CSMD3: variants seen among roughly 807,000 people sequenced by gnomAD.
CSMD3 encodes CUB and Sushi multiple domains 3.
Under a neutral mutation model 435.2 loss-of-function variants are expected in CSMD3, and 177 were observed. The ratio of observed to expected loss-of-function variants is 0.41; its 90% CI spans 0.36 to 0.46. The LOEUF (loss-of-function observed/expected upper bound fraction) is 0.46, where lower values mean the gene tolerates loss of function less well. CSMD3 is among the 20% of genes least tolerant of loss of function. The pLI is 0.34. For synonymous variants in CSMD3, 1,656 were observed against 1,520.5 expected (o/e 1.09, Z -2.07); for missense variants, 4,265 against 4,504.6 (o/e 0.95, Z 1.52).
At chr8:113,267,303 C>T (rs1287383375) in intron 3 of CSMD3, among the ~76,000 whole-genome samples, 2 of 151,646 alleles carry the variant, frequency 1.3e-5, no homozygotes, top group African/African-American at 4.8e-5. Context: ...CCTGCACTAA[C>T]ATGGTTACTG....
At chr8:112,573,374 T>C in intron 24 of CSMD3, 127 bp downstream of exon 24, 5 of 864,872 alleles carry the variant, frequency 5.8e-6, no homozygotes, top group Admixed American at 3.8e-5. Context: ...AATAAAATTA[T>C]ATATGTAGAA....
intron 3 of CSMD3, among the ~76,000 whole-genome samples, chr8:113,263,045 C>T (rs1235743066): frequency 6.6e-6 from 1 of 151,930 alleles, no homozygotes; most frequent in Non-Finnish European, 1.5e-5. Flanking sequence ...AAATTAAATG[C>T]TATGGTCTGT....
chr8:112,831,812 A>C (rs531027542), intron 11 of CSMD3, among the ~76,000 whole-genome samples: 1 of 152,216 alleles, frequency 6.6e-6, no homozygotes, highest in African/African-American at 2.4e-5. Context: ...AGCTGCTTAT[A>C]ATGGAAATTT....
intron 10 of CSMD3, among the ~76,000 whole-genome samples, chr8:112,860,167 C>T (rs1002028443): frequency 6.6e-6 from 1 of 151,596 alleles, no homozygotes; most frequent in African/African-American, 2.4e-5. Context: ...GAATTTCAGC[C>T]CAGGTCTTCT....
chr8:112,300,837 C>T (rs555777211), intron 53 of CSMD3, among the ~76,000 whole-genome samples: 12 of 152,200 alleles, frequency 7.9e-5, no homozygotes, highest in African/African-American at 2.6e-4. Flanking sequence ...GATTGTATTT[C>T]TATGAATATT....
chr8:113,015,038 C>T (rs2086401983), intron 6 of CSMD3, among the ~76,000 whole-genome samples: 1 of 152,106 alleles, frequency 6.6e-6, no homozygotes, highest in African/African-American at 2.4e-5. Context: ...TACTATGCTG[C>T]ATCCCCCAAA....
rs371825562 is a variant in CSMD3 at position 112,419,716 on chromosome 8, T to C, written c.5396-10684A>G. 8.3e-4 allele frequency among the ~76,000 whole-genome samples: 127 copies of C among 152,286 alleles called. 5 individuals carry two copies. The South Asian group carries it at 0.026, about 31-fold the overall frequency. ...CTGCCTATTTGACATATTTTAAATG[T>C]ATAGACATTAAAAAACCATCTTATA... On this transcript the variant is annotated intron_variant, in intron 32 of 70. Transcript: ENST00000297405.
intron 24 of CSMD3, among the ~76,000 whole-genome samples, chr8:112,557,242 T>C (rs1828205987): frequency 6.6e-6 from 1 of 151,964 alleles, no homozygotes; most frequent in Admixed American, 6.6e-5. Context: ...GATTTAGAGT[T>C]AATAGTAGAT....
At chr8:113,222,146 A>T (rs774550731) in intron 3 of CSMD3, among the ~76,000 whole-genome samples, 9 of 151,388 alleles carry the variant, frequency 5.9e-5, no homozygotes, top group Non-Finnish European at 1.3e-4. Context: ...TCTAATTTAC[A>T]AAGGCTTTGG....
At chr8:113,140,794 T>C (rs903582385) in intron 4 of CSMD3, among the ~76,000 whole-genome samples, 1 of 150,884 alleles carries the variant, frequency 6.6e-6, no homozygotes, top group Non-Finnish European at 1.5e-5. Flanking sequence ...CAAACATATG[T>C]TATAAAAGAG....
rs565451062 is a variant in CSMD3 at position 113,029,777 on chromosome 8, G to A, written c.918-10598C>T. On this transcript the variant is annotated intron_variant, in intron 5 of 70. Coordinates refer to ENST00000297405, the MANE Select transcript of CSMD3 (RefSeq NM_198123.2). The stretch of plus-strand genomic sequence containing the variant: ...CATAGTACTGGAAATCCTAGCCAGA[G>A]CAATCAGACAAGAGAAAGAAATAAA... Among the ~76,000 whole-genome samples the A allele has an allele frequency of 5.2e-3, 792 of 151,624 alleles. 28 individuals are homozygous for A. The highest frequency in any genetic ancestry group is 7.7e-3 in the Non-Finnish European group (525 of 67,768).
intron 13 of CSMD3, among the ~76,000 whole-genome samples, chr8:112,737,250 G>A (rs2077206286): frequency 1.3e-5 from 2 of 151,846 alleles, no homozygotes; most frequent in African/African-American, 4.8e-5. Flanking sequence ...TTGAGACCTT[G>A]TCAGGATACT....
At chr8:112,893,450 G>A (rs1587600740) in intron 10 of CSMD3, among the ~76,000 whole-genome samples, 1 of 151,424 alleles carries the variant, frequency 6.6e-6, no homozygotes. Flanking sequence ...CTAGGGATGG[G>A]AACAGGATAT....
chr8:112,690,506 C>T (rs766256386), intron 13 of CSMD3, among the ~76,000 whole-genome samples: 1 of 151,732 alleles, frequency 6.6e-6, no homozygotes, highest in South Asian at 2.1e-4. Context: ...GTCTATACTC[C>T]TACAGAAATC....
chr8:113,170,326 C>T (rs191263320), intron 4 of CSMD3, among the ~76,000 whole-genome samples: 127 of 152,144 alleles, frequency 8.3e-4, no homozygotes, highest in African/African-American at 2.8e-3. Context: ...TAAATCACAC[C>T]TTAGAAAGTT....
intron 52 of CSMD3, among the ~76,000 whole-genome samples, chr8:112,303,151 A>G (rs1821095994): frequency 6.6e-6 from 1 of 152,166 alleles, no homozygotes. Context: ...ATTCCTATCC[A>G]TGTGCCCTTT....
In CSMD3 at chr8:113,329,022, G is replaced by C. The variant is rs1160989172; in HGVS notation, c.179-14229C>G. Among the ~76,000 whole-genome samples the C allele has an allele frequency of 3.3e-5, 5 of 151,308 alleles. No homozygotes were observed. In the East Asian group the frequency reaches 9.7e-4, roughly 29 times the overall value. ...CTCCCAAAATGCTGGGATTACAGCT[G>C]CGAGCCACCACTTCCTGCACTAAAA... On this transcript the variant is annotated intron_variant, in intron 1 of 70. Coordinates refer to ENST00000297405, the MANE Select transcript of CSMD3 (RefSeq NM_198123.2).
chr8:113,152,708 A>T (rs546601604), intron 4 of CSMD3, among the ~76,000 whole-genome samples: 2 of 152,138 alleles, frequency 1.3e-5, no homozygotes, highest in African/African-American at 4.8e-5. Context: ...GGCTGTGTGC[A>T]GTGGCTCATG....
At chr8:112,285,975 G>A (rs1819157726) in intron 58 of CSMD3, among the ~76,000 whole-genome samples, 1 of 152,044 alleles carries the variant, frequency 6.6e-6, no homozygotes, top group African/African-American at 2.4e-5. Flanking sequence ...TCCTGCCTCA[G>A]TGTCCCAAAT....
Sources: gnomAD v4.1 joint callset for allele counts (sites outside exome capture counted in the v4.1 genomes callset) on GRCh38, gnomAD v4.1.1 for gene constraint, MANE v1.5 for transcripts, NCBI Gene and HGNC (gene_info 2026-07-23, HGNC 2026-07-21) for gene names.